CCR9: variants seen among roughly 807,000 people sequenced by gnomAD.
The protein encoded by CCR9 is C-C chemokine receptor type 9.
A neutral mutation model predicts 8.7 loss-of-function variants in CCR9; 4 were observed. That is an observed-to-expected ratio of 0.46 (90% CI 0.23 to 1.06). CCR9 has a LOEUF of 1.06. Ranked by LOEUF, CCR9 falls within the 50% of genes least tolerant of loss-of-function variation. The probability of loss-of-function intolerance (pLI) is 0.21; values close to 1 mark genes in which losing one functional copy is unlikely to be tolerated. For synonymous variants in CCR9, 159 were observed against 168.8 expected (o/e 0.94, Z 0.45); for missense variants, 394 against 453.6 (o/e 0.87, Z 1.19).
chr3:45,890,579 G>T (rs1472889344), intron 1 of CCR9, among the ~76,000 whole-genome samples: 1 of 151,296 alleles, frequency 6.6e-6, no homozygotes, highest in African/African-American at 2.4e-5. Flanking sequence ...GGCTCACTGG[G>T]CTTCTTGATG....
At chr3:45,895,802 A>C (rs1292858507) in intron 2 of CCR9, among the ~76,000 whole-genome samples, 1 of 152,202 alleles carries the variant, frequency 6.6e-6, no homozygotes, top group Non-Finnish European at 1.5e-5. Context: ...TGTAGAATCA[A>C]ATTAATTTCC....
Position 45,894,904 on chromosome 3 carries a change from A to G in CCR9, c.-28-2A>G. ...ACTTTTTGATTTTTGTCCCTTTTCC[A>G]GGAGCAGGCTTGCATCTGACTGACC... On this transcript the variant is annotated splice_acceptor_variant, in intron 1 of 2. Transcript: ENST00000357632. LOFTEE classifies it low-confidence loss of function (5UTR_SPLICE). 6.2e-7 allele frequency: 1 copy of G among 1,613,234 alleles called. No individual in the cohort carries two copies. Among genetic ancestry groups the G allele is most frequent in the Non-Finnish European group, 8.5e-7 (1 of 1,179,208 alleles).
Position 45,900,836 on chromosome 3 carries a change from C to G in CCR9, c.48C>G (p.Asp16Glu), listed in dbSNP as rs771517303. ...GCCCTATTCCTAACATGGCTGATGA[C>G]TATGGCTCTGAATCCACATCTTCCA... ...FTSPIPNMAD[D>E]YGSESTSSME... The change falls in exon 3 of 3, where the codon GAC becomes GAG. Residue 16 changes from aspartate (D) to glutamate (E), a missense_variant. Transcript: ENST00000357632. The surrounding 1 kb of genome is among the most constrained non-coding windows in gnomAD (Gnocchi z 4.7). 1 of 1,613,510 alleles carries G rather than the reference C, an allele frequency of 6.2e-7. No individual in the cohort carries two copies. The highest frequency in any genetic ancestry group is 8.5e-7 in the Non-Finnish European group (1 of 1,179,552).
At chr3:45,890,279 T>A (rs74586406) in intron 1 of CCR9, among the ~76,000 whole-genome samples, 1 of 75,768 alleles carries the variant, frequency 1.3e-5, no homozygotes. Flanking sequence ...AACATATATA[T>A]ATATTTATAT....
In CCR9 at chr3:45,887,858, C is replaced by T. The variant is rs1052025501; in HGVS notation, c.-29+1203C>T. On this transcript the variant is annotated intron_variant, in intron 1 of 2. Transcript: ENST00000357632. ...GATAGATGGCTCAGAGACCCTGCCT[C>T]GTGTAGGGAACAAAAAGCAGAGCTA... Among the ~76,000 whole-genome samples, 6 of 152,202 alleles carry T rather than the reference C, an allele frequency of 3.9e-5. No individual in the cohort carries two copies. In the East Asian group the frequency reaches 5.8e-4, roughly 15 times the overall value.
chr3:45,899,609 G>A (rs946750221), intron 2 of CCR9, among the ~76,000 whole-genome samples: 1 of 152,200 alleles, frequency 6.6e-6, no homozygotes, highest in Non-Finnish European at 1.5e-5. Context: ...GTCCCTCAAG[G>A]AAAGGGAGTG....
intron 2 of CCR9, among the ~76,000 whole-genome samples, chr3:45,897,820 T>C (rs1323417930): frequency 6.6e-6 from 1 of 152,040 alleles, no homozygotes; most frequent in African/African-American, 2.4e-5. Context: ...TGCTCCTCGC[T>C]ACCTGGAGCT....
intron 2 of CCR9, among the ~76,000 whole-genome samples, chr3:45,899,898 C>T (rs1168328153): frequency 6.6e-6 from 1 of 152,088 alleles, no homozygotes; most frequent in African/African-American, 2.4e-5. Flanking sequence ...GCTTCAGGAA[C>T]CCAGAAAAAG....
chr3:45,893,286 C>G (rs751962822), intron 1 of CCR9, among the ~76,000 whole-genome samples: 4 of 152,126 alleles, frequency 2.6e-5, no homozygotes, highest in Non-Finnish European at 2.9e-5. Context: ...TCCTGAGTAG[C>G]TGAGACTACA....
intron 2 of CCR9, 147 bp downstream of exon 2, chr3:45,895,101 G>C: frequency 2.4e-6 from 2 of 836,248 alleles, no homozygotes; most frequent in East Asian, 4.9e-5. Context: ...GCATTGCTGG[G>C]TAGGTTGTTG....
chr3:45,900,899 C>T lies in CCR9; in HGVS notation c.111C>T (p.Tyr37=), dbSNP rs199659059. 6.8e-6 allele frequency: 11 copies of T among 1,614,088 alleles called. No individual in the cohort carries two copies. In the African/African-American group the frequency reaches 1.3e-4, roughly 20 times the overall value. Residue 37 remains tyrosine (Y), a synonymous_variant, in exon 3 of 3, where the codon TAC becomes TAT. Coordinates refer to ENST00000357632, the MANE Select transcript of CCR9 (RefSeq NM_031200.3). This position sits in a 1 kb window ranked among gnomAD's most constrained non-coding sequence, Gnocchi z 4.7. ...TTAACTTCAACTTCACTGACTTCTACTGTGAGAAAAACAATGTCAGGCAGT... is the reference window on the plus strand; with the variant it reads ...TTAACTTCAACTTCACTGACTTCTATTGTGAGAAAAACAATGTCAGGCAGT... The part of the protein sequence containing the change: ...DYVNFNFTDF[Y]CEKNNVRQFA...
At chr3:45,887,359 T>G (rs554550621) in intron 1 of CCR9, among the ~76,000 whole-genome samples, 1 of 151,598 alleles carries the variant, frequency 6.6e-6, no homozygotes, top group South Asian at 2.1e-4. Context: ...GCTTCAGGAG[T>G]TTTTATTTTC....
At position 45,902,459 on chromosome 3, in the gene CCR9, T is replaced by G. The variant is rs1189720019; in HGVS notation, c.*561T>G. On this transcript the variant is annotated 3_prime_UTR_variant, in exon 3 of 3. Coordinates refer to ENST00000357632, the MANE Select transcript of CCR9 (RefSeq NM_031200.3). Reference sequence around the variant, plus strand: ...CCTAATTTCCTTCTGTTCTCCTTGTTCTGTTCTGGGCCAGTGAAGGTCCTT... The same window carrying G: ...CCTAATTTCCTTCTGTTCTCCTTGTGCTGTTCTGGGCCAGTGAAGGTCCTT... The G allele has an allele frequency of 2.4e-5, 4 of 167,880 alleles. 1 individual carries two copies. Among genetic ancestry groups the G allele is most frequent in the Admixed American group, 6.5e-5 (1 of 15,360 alleles). 10.4% of individuals were successfully genotyped at this position (167,880 alleles called of 1,614,324 possible).
At chr3:45,890,306 T>TATATATATAAC in intron 1 of CCR9, among the ~76,000 whole-genome samples, 1 of 15,468 alleles carries the variant, frequency 6.5e-5, no homozygotes, top group Non-Finnish European at 9.8e-5. Flanking sequence ...ATATATAACA[T>TATATATATAAC]ATATATATAT....
rs1287100186 is a variant in CCR9 at position 45,902,698 on chromosome 3, C to G, written c.*800C>G. ...ATTATAACAGCTGGGTTCGCAGGAG[C>G]CAGCCTTGGCCCTGTTGTAGGCTTG... On this transcript the variant is annotated 3_prime_UTR_variant, in exon 3 of 3. Transcript: ENST00000357632. 6.0e-6 allele frequency: 1 copy of G among 167,098 alleles called. No homozygotes were observed. The highest frequency in any genetic ancestry group is 1.5e-5 in the Non-Finnish European group (1 of 68,148). 10.4% of individuals were successfully genotyped at this position (167,098 alleles called of 1,614,324 possible).
At chr3:45,890,020 A>T (rs1283619274) in intron 1 of CCR9, among the ~76,000 whole-genome samples, 1 of 151,100 alleles carries the variant, frequency 6.6e-6, no homozygotes, top group African/African-American at 2.4e-5. Flanking sequence ...CTCCAAAAAG[A>T]TCACATAAAT....
At chr3:45,897,103 C>T (rs1368856671) in intron 2 of CCR9, among the ~76,000 whole-genome samples, 4 of 152,168 alleles carry the variant, frequency 2.6e-5, no homozygotes, top group Admixed American at 1.3e-4. Flanking sequence ...CTTGCCAGGA[C>T]ACAGACAGGC....
At chr3:45,897,975 CAAAAAA>C (rs72284250) in intron 2 of CCR9, among the ~76,000 whole-genome samples, 1 of 105,990 alleles carries the variant, frequency 9.4e-6, no homozygotes, top group Admixed American at 9.7e-5. Flanking sequence ...GCTATTTGAC[CAAAAAA>C]AAAAAAAAAA....
rs574881007 is a variant in CCR9 at position 45,887,789 on chromosome 3, C to T, written c.-29+1134C>T. Reference sequence around the variant, plus strand: ...TGGGCCCTGTGCAGCCCCTGCTGGGCGGTTGGCAGGCATCTGATCCAGGCA... The same window carrying T: ...TGGGCCCTGTGCAGCCCCTGCTGGGTGGTTGGCAGGCATCTGATCCAGGCA... On this transcript the variant is annotated intron_variant, in intron 1 of 2. Transcript: ENST00000357632. 7.2e-5 allele frequency among the ~76,000 whole-genome samples: 11 copies of T among 152,356 alleles called. No individual in the cohort carries two copies. The East Asian group carries it at 2.1e-3, about 29-fold the overall frequency.
Sources: gnomAD v4.1 joint callset for allele counts (sites outside exome capture counted in the v4.1 genomes callset) on GRCh38, gnomAD v4.1.1 for gene constraint, Gnocchi (gnomAD v3.1) non-coding constraint, MANE v1.5 for transcripts, NCBI Gene and HGNC (gene_info 2026-07-23, HGNC 2026-07-21) for gene names.